LRRC8A: variants seen among roughly 807,000 people sequenced by gnomAD.
LRRC8A encodes volume-regulated anion channel subunit LRRC8A.
Under a neutral mutation model 52.5 loss-of-function variants are expected in LRRC8A, and 24 were observed. The observed-to-expected ratio is 0.46, with a 90% CI of 0.33 to 0.64. The LOEUF is 0.64. Among genes scored for constraint, LRRC8A ranks in the 30% least tolerant of loss-of-function variants. The pLI is 0.02. For missense variants in LRRC8A, 677 were observed against 1,094.7 expected, an observed-to-expected ratio of 0.62 and a Z score of 5.38; for synonymous variants, 492 against 494.2, an observed-to-expected ratio of 1.00 and a Z score of 0.06.
At chr9:128,898,039 AGTGTGTGTGTGTGTGTGTGTGTGT>A (rs58876901) in intron 2 of LRRC8A, among the ~76,000 whole-genome samples, 4,405 of 136,486 alleles carry the variant, frequency 0.032, 119 homozygotes, top group Middle Eastern at 0.049. Context: ...AAGATTGTTC[AGTGTGTGTGTGTGTGTGTGTGTGT>A]GTGTGTGTGT....
chr9:128,899,391 G>A lies in LRRC8A; in HGVS notation c.-8-7766G>A, dbSNP rs891694041. Among the ~76,000 whole-genome samples the A allele has an allele frequency of 7.9e-5, 12 of 152,048 alleles. No individual in the cohort carries two copies. Among genetic ancestry groups the A allele is most frequent in the African/African-American group, 2.2e-4 (9 of 41,396 alleles). ...CAGGTGCACCCCAAGAAGGGCTCTC[G>A]GTGGGGTCTGCTCCATCTGAATGGC... On this transcript the variant is annotated intron_variant, in intron 2 of 3. Transcript: ENST00000372600. This position sits in a 1 kb window ranked among gnomAD's most constrained non-coding sequence, Gnocchi z 4.0.
chr9:128,914,693 G>C (rs1047193022), intron 3 of LRRC8A, among the ~76,000 whole-genome samples: 10 of 152,348 alleles, frequency 6.6e-5, no homozygotes, highest in Admixed American at 5.2e-4. Flanking sequence ...CCTCACTTGG[G>C]ATCAAGGCCC....
At chr9:128,910,263 A>C (rs1840452363) in intron 3 of LRRC8A, among the ~76,000 whole-genome samples, 1 of 152,224 alleles carries the variant, frequency 6.6e-6, no homozygotes, top group Admixed American at 6.5e-5. Context: ...GTGGTGGAGG[A>C]AGCCTGAGGC....
At chr9:128,900,449 C>A (rs1839981790) in intron 2 of LRRC8A, among the ~76,000 whole-genome samples, 1 of 152,230 alleles carries the variant, frequency 6.6e-6, no homozygotes, top group Non-Finnish European at 1.5e-5. Flanking sequence ...TGGCTCATGC[C>A]TGTAATCCCA....
intron 2 of LRRC8A, among the ~76,000 whole-genome samples, chr9:128,896,241 A>G (rs747495723): frequency 1.3e-5 from 2 of 152,238 alleles, no homozygotes; most frequent in Non-Finnish European, 2.9e-5. Flanking sequence ...ACATTGATAC[A>G]TGTTGCTACA....
Position 128,892,713 on chromosome 9 carries a change from A to G in LRRC8A, c.-9+6592A>G, listed in dbSNP as rs1839671908. Reference sequence around the variant, plus strand: ...TCTGGCTCTGGGACAGGGGAAGCACATGACCCATGGCCCGTGGTGGGAGCA... The same window carrying G: ...TCTGGCTCTGGGACAGGGGAAGCACGTGACCCATGGCCCGTGGTGGGAGCA... On this transcript the variant is annotated intron_variant, in intron 2 of 3. Transcript: ENST00000372600. This position sits in a 1 kb window ranked among gnomAD's most constrained non-coding sequence, Gnocchi z 5.2. 6.6e-6 allele frequency among the ~76,000 whole-genome samples: 1 copy of G among 152,132 alleles called. No homozygotes were observed. The highest frequency in any genetic ancestry group is 2.4e-5 in the African/African-American group (1 of 41,444).
intron 2 of LRRC8A, among the ~76,000 whole-genome samples, chr9:128,904,935 T>TTGCAGTGAG (rs973337880): frequency 2.7e-5 from 4 of 149,610 alleles, no homozygotes; most frequent in Admixed American, 6.7e-5. Context: ...GAGGCGGAGC[T>TTGCAGTGAG]TGCAGTGAGC....
chr9:128,882,423 G>C (rs994970654), intron 1 of LRRC8A, 173 bp downstream of exon 1: 2 of 313,310 alleles, frequency 6.4e-6, no homozygotes, highest in African/African-American at 4.3e-5. Flanking sequence ...GCTCCCCAGT[G>C]CCCGGAGTCT....
rs201084502 is a variant in LRRC8A at position 128,907,394 on chromosome 9, C to T, written c.230C>T (p.Pro77Leu). 26 of 1,613,244 alleles carry T rather than the reference C, an allele frequency of 1.6e-5. No individual in the cohort carries two copies. Among genetic ancestry groups the T allele is most frequent in the East Asian group, 8.9e-5 (4 of 44,886 alleles). The part of the protein sequence containing the change: ...DSFRGWAAPG[P>L]EPTYPNSTIL... Reference sequence around the variant, plus strand: ...TTCCGGGGCTGGGCAGCCCCTGGCCCGGAGCCCACCTACCCCAACTCCACC... The same window carrying T: ...TTCCGGGGCTGGGCAGCCCCTGGCCTGGAGCCCACCTACCCCAACTCCACC... The change falls in exon 3 of 4, where the codon CCG becomes CTG. Residue 77 changes from proline (P) to leucine (L), a missense_variant. Physicochemically the swap from Pro to Leu is moderately conservative, Grantham distance 98 (BLOSUM62 -3). Transcript: ENST00000372600. The surrounding 1 kb of genome is among the most constrained non-coding windows in gnomAD (Gnocchi z 9.3).
chr9:128,886,730 C>T (rs1409615048), intron 2 of LRRC8A, among the ~76,000 whole-genome samples: 1 of 152,200 alleles, frequency 6.6e-6, no homozygotes, highest in Non-Finnish European at 1.5e-5. Flanking sequence ...AATATGTTGA[C>T]ATAGAGCAGG....
At chr9:128,887,643 C>T (rs757467067) in intron 2 of LRRC8A, among the ~76,000 whole-genome samples, 26 of 151,500 alleles carry the variant, frequency 1.7e-4, no homozygotes, top group Non-Finnish European at 3.2e-4. Flanking sequence ...TAATGATATC[C>T]CCCGGACCTC....
intron 3 of LRRC8A, among the ~76,000 whole-genome samples, chr9:128,909,690 C>T (rs1387761090): frequency 3.3e-5 from 5 of 152,216 alleles, no homozygotes; most frequent in East Asian, 1.9e-4. Context: ...GGGGTTCTCT[C>T]GCAAAGCCGG....
intron 1 of LRRC8A, chr9:128,882,778 C>T: frequency 5.0e-6 from 2 of 398,920 alleles, no homozygotes; most frequent in Non-Finnish European, 8.8e-6. Context: ...CTCTTGGGGC[C>T]TTTCTGGGAT....
Position 128,908,354 on chromosome 9 carries a change from T to A in LRRC8A, c.1190T>A (p.Val397Glu). ...SKRFAVFLSE[V>E]SENKLRQLNL... ...CGCTTCGCCGTCTTCCTGTCGGAGGTGAGTGAGAACAAGCTGCGGCAGCTG... is the reference window on the plus strand; with the variant it reads ...CGCTTCGCCGTCTTCCTGTCGGAGGAGAGTGAGAACAAGCTGCGGCAGCTG... Residue 397 changes from valine to glutamate, a missense_variant, in exon 3 of 4, where the codon GTG becomes GAG. By Grantham distance (121) the Val-to-Glu change is moderately radical (BLOSUM62 -2). Around this residue, in one of 4 missense-constraint regions of LRRC8A, gnomAD observed 422 missense variants for 741.5 expected, o/e 0.57. Transcript: ENST00000372600. 1 of 1,613,736 alleles carries A rather than the reference T, an allele frequency of 6.2e-7. No individual in the cohort carries two copies. The highest frequency in any genetic ancestry group is 8.5e-7 in the Non-Finnish European group (1 of 1,179,962).
chr9:128,897,269 G>C (rs548796995), intron 2 of LRRC8A, among the ~76,000 whole-genome samples: 1 of 151,930 alleles, frequency 6.6e-6, no homozygotes, highest in African/African-American at 2.4e-5. Context: ...TTGTTGCTCA[G>C]ACTGGAGATC....
chr9:128,900,256 C>T (rs1839974900), intron 2 of LRRC8A, among the ~76,000 whole-genome samples: 1 of 152,238 alleles, frequency 6.6e-6, no homozygotes, highest in Admixed American at 6.5e-5. Flanking sequence ...CCACCTTGTC[C>T]CCTTTCAGGT....
Position 128,916,948 on chromosome 9 carries a change from GTCCACGGGAGAGCAGGCC to G in LRRC8A, c.*582_*599del, listed in dbSNP as rs1350759201. 6.6e-6 allele frequency: 1 copy of G among 152,644 alleles called. No homozygotes were observed. The highest frequency in any genetic ancestry group is 1.5e-5 in the Non-Finnish European group (1 of 68,178). The allele number at this position is 152,644 out of a possible 1,614,324, so 9.5% of individuals were successfully genotyped here. Reference sequence around the variant, plus strand: ...GTGCCGGGCTGGGCTCTGCGGTGCGGTCCACGGGAGAGCAGGCCTCCAGCTGGAAAGGCCAGGCCTGGA... The same window carrying G: ...GTGCCGGGCTGGGCTCTGCGGTGCGGTCCAGCTGGAAAGGCCAGGCCTGGA... On this transcript the variant is annotated 3_prime_UTR_variant, in exon 4 of 4. Coordinates refer to ENST00000372600, the MANE Select transcript of LRRC8A (RefSeq NM_019594.4). This position sits in a 1 kb window ranked among gnomAD's most constrained non-coding sequence, Gnocchi z 6.1.
In LRRC8A at chr9:128,909,359, G is replaced by T. The variant is rs776938121; in HGVS notation, c.2157+38G>T. 4 of 1,588,022 alleles carry T rather than the reference G, an allele frequency of 2.5e-6. No individual in the cohort carries two copies. In the South Asian group the frequency reaches 4.5e-5, roughly 18 times the overall value. On this transcript the variant is annotated intron_variant, in intron 3 of 3. Coordinates refer to ENST00000372600, the MANE Select transcript of LRRC8A (RefSeq NM_019594.4). ...GCCACAGCTCTGCGTGTGGGCTGGC[G>T]GGTGGCCTGGCCAGGGCTTGTGGTG...
Position 128,901,319 on chromosome 9 carries a change from C to T in LRRC8A, c.-8-5838C>T, listed in dbSNP as rs574796653. Among the ~76,000 whole-genome samples, 7 of 152,094 alleles carry T rather than the reference C, an allele frequency of 4.6e-5. No homozygotes were observed. The South Asian group carries it at 6.2e-4, about 14-fold the overall frequency. ...CTTGACTAAAATATGAAAAATTAGC[C>T]GGCCGTGGTGGTGGCGCGCCTGTAG... On this transcript the variant is annotated intron_variant, in intron 2 of 3. Coordinates refer to ENST00000372600, the MANE Select transcript of LRRC8A (RefSeq NM_019594.4).
Sources: allele counts gnomAD v4.1 joint callset (sites outside exome capture counted in the v4.1 genomes callset), GRCh38; gene constraint gnomAD v4.1.1; regional missense constraint gnomAD v4.1.1; non-coding constraint Gnocchi (gnomAD v3.1); transcripts MANE v1.5; gene names NCBI Gene and HGNC (gene_info 2026-07-23, HGNC 2026-07-21).